Variants in NDUFV2 observed in about 807,000 individuals in gnomAD.
NDUFV2 encodes NADH dehydrogenase [ubiquinone] flavoprotein 2, mitochondrial.
NDUFV2 carries 18 observed loss-of-function variants against 31.6 expected under a neutral mutation model. The observed-to-expected ratio is 0.57, with a 90% confidence interval of 0.39 to 0.84. The LOEUF (loss-of-function observed/expected upper bound fraction) is 0.84, where lower values mean the gene tolerates loss of function less well. Among genes scored for constraint, NDUFV2 ranks in the 40% least tolerant of loss-of-function variants. The probability of loss-of-function intolerance (pLI) is 0.00; values close to 1 mark genes in which losing one functional copy is unlikely to be tolerated. For synonymous variants in NDUFV2, 83 were observed against 99.8 expected (o/e 0.83, Z 1.01); for missense variants, 314 against 303.6 (o/e 1.03, Z -0.26).
At chr18:9,118,049 T>A in intron 2 of NDUFV2, 146 bp downstream of exon 2, 1 of 655,266 alleles carries the variant, frequency 1.5e-6, no homozygotes, top group Non-Finnish European at 2.8e-6. Context: ...TTGAATTTAC[T>A]ACATTTCAAA....
At chr18:9,118,022 A>G in intron 2 of NDUFV2, 119 bp downstream of exon 2, 1 of 729,552 alleles carries the variant, frequency 1.4e-6, no homozygotes, top group Non-Finnish European at 2.5e-6. Context: ...TCATCGTGAG[A>G]ATTTACATAC....
intron 7 of NDUFV2, among the ~76,000 whole-genome samples, chr18:9,127,628 C>T (rs1443064432): frequency 1.3e-5 from 2 of 152,032 alleles, no homozygotes; most frequent in African/African-American, 2.4e-5. Context: ...CCAGCCACCA[C>T]GCCCGGCTAA....
At chr18:9,128,071 CTT>C (rs1423805126) in intron 7 of NDUFV2, among the ~76,000 whole-genome samples, 14 of 152,272 alleles carry the variant, frequency 9.2e-5, no homozygotes, top group African/African-American at 9.6e-5. Flanking sequence ...AAAATTCTCT[CTT>C]AATACTAGCA....
Position 9,124,997 on chromosome 18 carries a change from G to A in NDUFV2, c.579+14G>A. The A allele has an allele frequency of 1.2e-6, 2 of 1,611,358 alleles. No individual in the cohort carries two copies. The highest frequency in any genetic ancestry group is 1.7e-6 in the Non-Finnish European group (2 of 1,178,126). ...GACAATTACTATGTGAGTATTTCAG[G>A]TAATACAAGTTAAAGTTGTATGATG... On this transcript the variant is annotated intron_variant, in intron 6 of 7. Transcript: ENST00000318388.
chr18:9,117,860 A>C lies in NDUFV2; in HGVS notation c.77A>C (p.His26Pro). The change falls in exon 2 of 8, where the codon CAT becomes CCT. Residue 26 changes from histidine to proline, a missense_variant. Physicochemically the swap from His to Pro is moderately conservative, Grantham distance 77. Transcript: ENST00000318388. ...TAGGGAAGACATGTAAGGAATTTGC[A>C]TAAGACAGTTATGCAAAATGGAGCT... ...AHWGRHVRNLHKTVMQNGAGG... is the reference protein window; with the variant it reads ...AHWGRHVRNLPKTVMQNGAGG... 1.9e-6 allele frequency: 3 copies of C among 1,600,388 alleles called. No homozygotes were observed. Among genetic ancestry groups the C allele is most frequent in the Non-Finnish European group, 2.6e-6 (3 of 1,167,882 alleles).
intron 1 of NDUFV2, among the ~76,000 whole-genome samples, chr18:9,108,624 AATT>A (rs1481053189): frequency 6.6e-6 from 1 of 152,148 alleles, no homozygotes; most frequent in Non-Finnish European, 1.5e-5. Flanking sequence ...TAGATTTCAC[AATT>A]ATTAACCCAG....
At chr18:9,119,993 T>C (rs185836638) in intron 4 of NDUFV2, among the ~76,000 whole-genome samples, 127 of 152,294 alleles carry the variant, frequency 8.3e-4, no homozygotes, top group African/African-American at 2.9e-3. Flanking sequence ...CATCTTTGGC[T>C]GTAGGCTGTA....
intron 1 of NDUFV2, chr18:9,103,025 A>G (rs539487228): frequency 1.2e-5 from 6 of 498,830 alleles, no homozygotes; most frequent in African/African-American, 8.1e-5. Context: ...GTCGAGGAGG[A>G]CAGAAAAGAG....
At chr18:9,109,587 G>A (rs937861434) in intron 1 of NDUFV2, among the ~76,000 whole-genome samples, 1 of 152,222 alleles carries the variant, frequency 6.6e-6, no homozygotes, top group African/African-American at 2.4e-5. Context: ...GTCATTTTGA[G>A]CTATTGGTAT....
intron 6 of NDUFV2, chr18:9,126,599 A>G (rs1323715219): frequency 4.1e-6 from 2 of 486,420 alleles, no homozygotes; most frequent in Non-Finnish European, 7.5e-6. Context: ...GAGACAGACA[A>G]TAAAATCACT....
intron 1 of NDUFV2, among the ~76,000 whole-genome samples, chr18:9,112,073 C>T (rs2077873920): frequency 7.2e-6 from 1 of 139,522 alleles, no homozygotes; most frequent in African/African-American, 2.8e-5. Flanking sequence ...GGCAGGAATG[C>T]AGTGGCTCGA....
chr18:9,113,253 G>C (rs1322302390), intron 1 of NDUFV2, among the ~76,000 whole-genome samples: 1 of 152,190 alleles, frequency 6.6e-6, no homozygotes, highest in African/African-American at 2.4e-5. Context: ...TCCCACTCCA[G>C]ATCTTGATTC....
Position 9,120,335 on chromosome 18 carries a change from C to G in NDUFV2, c.300+745C>G, listed in dbSNP as rs139182660. Among the ~76,000 whole-genome samples the G allele has an allele frequency of 4.8e-3, 728 of 152,278 alleles. 7 individuals are homozygous for G. Among genetic ancestry groups the G allele is most frequent in the African/African-American group, 0.016 (676 of 41,566 alleles). On this transcript the variant is annotated intron_variant, in intron 4 of 7. Coordinates refer to ENST00000318388, the MANE Select transcript of NDUFV2 (RefSeq NM_021074.5). ...AAATATTTTTGACTTAGAACTAAGA[C>G]ACCTGATTTTTCTCTGAACTTCCTC...
Position 9,119,373 on chromosome 18 carries a change from A to C in NDUFV2, c.168A>C (p.Thr56=). Residue 56 remains threonine (T), a synonymous_variant, in exon 3 of 8, where the codon ACA becomes ACC. Coordinates refer to ENST00000318388, the MANE Select transcript of NDUFV2 (RefSeq NM_021074.5). ...ENNPDTPFDF[T]PENYKRIEAI... is the part of the protein sequence containing the mutation. ...ACCCTGATACTCCATTTGATTTCAC[A>C]CCAGAAAACTATAAGGTATGGCTAA... The C allele has an allele frequency of 6.2e-7, 1 of 1,612,372 alleles. No homozygotes were observed. Among genetic ancestry groups the C allele is most frequent in the Non-Finnish European group, 8.5e-7 (1 of 1,178,470 alleles).
At chr18:9,129,087 G>A (rs2078017679) in intron 7 of NDUFV2, among the ~76,000 whole-genome samples, 1 of 152,046 alleles carries the variant, frequency 6.6e-6, no homozygotes, top group South Asian at 2.1e-4. Flanking sequence ...ATAAGAACGT[G>A]CCACCACCAT....
chr18:9,130,895 G>A (rs867066245), intron 7 of NDUFV2, among the ~76,000 whole-genome samples: 13 of 152,290 alleles, frequency 8.5e-5, no homozygotes, highest in South Asian at 8.3e-4. Flanking sequence ...ATTATCGTTG[G>A]TGAATGACCA....
At chr18:9,111,954 A>G (rs1057425111) in intron 1 of NDUFV2, among the ~76,000 whole-genome samples, 6 of 149,940 alleles carry the variant, frequency 4.0e-5, no homozygotes, top group Non-Finnish European at 8.9e-5. Context: ...TGAAATTGAC[A>G]TTTCATATAC....
At chr18:9,126,570 G>A in intron 6 of NDUFV2, 1 of 431,702 alleles carries the variant, frequency 2.3e-6, no homozygotes, top group South Asian at 2.4e-5. Flanking sequence ...TTGATGCCTT[G>A]GTAACTATCT....
At chr18:9,116,141 C>G (rs536096078) in intron 1 of NDUFV2, among the ~76,000 whole-genome samples, 8 of 152,330 alleles carry the variant, frequency 5.3e-5, no homozygotes, top group African/African-American at 1.9e-4. Flanking sequence ...CTATTAGCCT[C>G]TTGTCATCAA....
Sources: gnomAD v4.1 joint callset for allele counts (sites outside exome capture counted in the v4.1 genomes callset) on GRCh38, gnomAD v4.1.1 for gene constraint, MANE v1.5 for transcripts, NCBI Gene and HGNC (gene_info 2026-07-23, HGNC 2026-07-21) for gene names.